ARAP1: variants seen among roughly 807,000 people sequenced by gnomAD.
ARAP1 encodes ArfGAP with RhoGAP domain, ankyrin repeat and PH domain 1.
Under a neutral mutation model 172.2 loss-of-function variants are expected in ARAP1, and 76 were observed. The observed-to-expected ratio is 0.44, with a 90% CI of 0.37 to 0.53. ARAP1 has a LOEUF of 0.53. ARAP1 is among the 20% of genes least tolerant of loss of function. The pLI is 0.00. For missense variants in ARAP1, 1,686 were observed against 1,977.5 expected (o/e 0.85, Z 2.80); for synonymous variants, 804 against 803.3 (o/e 1.00, Z -0.01).
At chr11:72,735,996 G>A (rs192905183) in intron 1 of ARAP1, among the ~76,000 whole-genome samples, 4 of 152,266 alleles carry the variant, frequency 2.6e-5, no homozygotes, top group East Asian at 1.9e-4. Context: ...AAGGCTTCCC[G>A]GAGAAAGCAG....
intron 2 of ARAP1, among the ~76,000 whole-genome samples, chr11:72,731,977 G>A (rs948741049): frequency 6.6e-6 from 1 of 151,600 alleles, no homozygotes; most frequent in Non-Finnish European, 1.5e-5. Context: ...TAAACATCTC[G>A]GTTAAAGAAA....
intron 1 of ARAP1, among the ~76,000 whole-genome samples, chr11:72,748,753 C>G (rs144445987): frequency 1.2e-3 from 178 of 152,336 alleles, no homozygotes; most frequent in Non-Finnish European, 2.2e-3. Flanking sequence ...CATCTGCCTC[C>G]AGGTGGGACT....
chr11:72,692,251 G>C (rs1031824983), intron 30 of ARAP1, among the ~76,000 whole-genome samples: 1 of 152,264 alleles, frequency 6.6e-6, no homozygotes, highest in Middle Eastern at 3.4e-3. Flanking sequence ...CTCTCTCCTA[G>C]GAGTGTGCAG....
At chr11:72,736,894 T>A (rs1858045926) in intron 1 of ARAP1, among the ~76,000 whole-genome samples, 1 of 152,202 alleles carries the variant, frequency 6.6e-6, no homozygotes, top group African/African-American at 2.4e-5. Context: ...CCAGCCAGGC[T>A]GGGCTGGCCC....
At position 72,693,689 on chromosome 11, in the gene ARAP1, T is replaced by G; in HGVS notation, c.3808+3A>C. The G allele has an allele frequency of 6.2e-7, 1 of 1,602,236 alleles. No individual in the cohort carries two copies. The highest frequency in any genetic ancestry group is 8.5e-7 in the Non-Finnish European group (1 of 1,174,166). On this transcript the variant is annotated splice_donor_region_variant and intron_variant, in intron 28 of 34. Coordinates refer to ENST00000393609, the MANE Select transcript of ARAP1 (RefSeq NM_001040118.3). This position sits in a 1 kb window ranked among gnomAD's most constrained non-coding sequence, Gnocchi z 4.6. ...GCCTGGCCACCCTGCAGGCACCACCTACCCAGGTACAGCAGCATGGCCTCC... is the reference window on the plus strand; with the variant it reads ...GCCTGGCCACCCTGCAGGCACCACCGACCCAGGTACAGCAGCATGGCCTCC...
chr11:72,727,083 G>A lies in ARAP1; in HGVS notation c.46C>T (p.Arg16Trp), dbSNP rs547657596. The A allele has an allele frequency of 1.1e-5, 17 of 1,597,186 alleles. No individual in the cohort carries two copies. Among genetic ancestry groups the A allele is most frequent in the Middle Eastern group, 1.7e-4 (1 of 6,018 alleles). ...DAALSVAEWLRALHLEQYTGL... is the reference protein window; with the variant it reads ...DAALSVAEWLWALHLEQYTGL... Reference sequence around the variant, plus strand: ...GTGTACTGCTCCAGGTGCAATGCCCGCAGCCACTCGGCCACCGATAGCGCA... The same window carrying A: ...GTGTACTGCTCCAGGTGCAATGCCCACAGCCACTCGGCCACCGATAGCGCA... The change falls in exon 3 of 35, where the codon CGG (arginine) becomes TGG (tryptophan). Residue 16 changes from arginine (R) to tryptophan (W), a missense_variant. Arg to Trp is a moderately radical substitution (Grantham distance 101, BLOSUM62 -3). Coordinates refer to ENST00000393609, the MANE Select transcript of ARAP1 (RefSeq NM_001040118.3).
In ARAP1 at chr11:72,687,447, A is replaced by G; in HGVS notation, c.4177T>C (p.Phe1393Leu). 1 of 1,614,152 alleles carries G rather than the reference A, an allele frequency of 6.2e-7. No individual in the cohort carries two copies. Among genetic ancestry groups the G allele is most frequent in the Non-Finnish European group, 8.5e-7 (1 of 1,180,020 alleles). Reference sequence around the variant, plus strand: ...CACTCTGCACCTGGTACCTGCACAAACAGAAAGGTAGCGAACCACTCCCGG... The same window carrying G: ...CACTCTGCACCTGGTACCTGCACAAGCAGAAAGGTAGCGAACCACTCCCGG... ...ELREWFATFL[F>L]VQHDGLVWPS... is the part of the protein sequence containing the mutation. The change falls in exon 33 of 35, where the codon TTT becomes CTT. Residue 1393 changes from phenylalanine (F) to leucine (L), a missense_variant. Transcript: ENST00000393609.
intron 5 of ARAP1, 21 bp from the exon 6 acceptor site, chr11:72,712,589 G>A: frequency 6.2e-7 from 1 of 1,610,418 alleles, no homozygotes. Flanking sequence ...GACCCACTCA[G>A]CGTCATCCTT....
chr11:72,711,876 T>C lies in ARAP1; in HGVS notation c.1022+320A>G, dbSNP rs552639765. On this transcript the variant is annotated intron_variant, in intron 7 of 34. Coordinates refer to ENST00000393609, the MANE Select transcript of ARAP1 (RefSeq NM_001040118.3). The stretch of plus-strand genomic sequence containing the variant: ...GCACCTGGCTAGTTTTTAAATTTAT[T>C]TGTAGAGACGAGGTCTCGCCATGTT... 5.3e-4 allele frequency among the ~76,000 whole-genome samples: 80 copies of C among 152,154 alleles called. 1 individual carries two copies. Among genetic ancestry groups the C allele is most frequent in the African/African-American group, 1.8e-3 (74 of 41,500 alleles).
chr11:72,693,614 C>T lies in ARAP1; in HGVS notation c.3808+78G>A, dbSNP rs890425422. 6 of 1,532,256 alleles carry T rather than the reference C, an allele frequency of 3.9e-6. No homozygotes were observed. Among genetic ancestry groups the T allele is most frequent in the Non-Finnish European group, 3.5e-6 (4 of 1,133,200 alleles). The allele number at this position is 1,532,256 out of a possible 1,614,324, so 94.9% of individuals were successfully genotyped here. A position where few individuals can be genotyped will look rare whatever the true frequency, so the allele number is the denominator to read the frequency against. On this transcript the variant is annotated intron_variant, in intron 28 of 34. Transcript: ENST00000393609. This position sits in a 1 kb window ranked among gnomAD's most constrained non-coding sequence, Gnocchi z 4.6. ...GCGCCCTCTGTCTGAGCTGTTCCTA[C>T]CTGGCACCACCAGGTCCCACCCTGG...
In ARAP1 at chr11:72,731,323, T is replaced by C. The variant is rs139457349; in HGVS notation, c.-45+1192A>G. ...GGAGGTGGACCTAGTGGGAGGTGTC[T>C]GGGGTCACGGGGACAGATCCCTCAT... On this transcript the variant is annotated intron_variant, in intron 2 of 34. Transcript: ENST00000393609. Among the ~76,000 whole-genome samples, 241 of 152,340 alleles carry C rather than the reference T, an allele frequency of 1.6e-3. 2 individuals are homozygous for C. The highest frequency in any genetic ancestry group is 5.6e-3 in the African/African-American group (232 of 41,574).
intron 7 of ARAP1, 131 bp downstream of exon 7, chr11:72,712,065 G>C (rs1438609969): frequency 7.9e-7 from 1 of 1,273,482 alleles, no homozygotes; most frequent in African/African-American, 1.5e-5. Context: ...TGCCTGGAGG[G>C]AGACCTGTGC....
intron 15 of ARAP1, 141 bp from the exon 16 acceptor site, chr11:72,701,924 C>T: frequency 1.8e-6 from 2 of 1,103,540 alleles, no homozygotes; most frequent in East Asian, 2.5e-5. Flanking sequence ...CAAGCTCCCC[C>T]TCCTACCTGC....
rs1257356748 is a variant in ARAP1, at chr11:72,751,089, T to C, written c.-128+1239A>G. On this transcript the variant is annotated intron_variant, in intron 1 of 34. Coordinates refer to ENST00000393609, the MANE Select transcript of ARAP1 (RefSeq NM_001040118.3). ...AACCTGGGGGCCATCAGGGCTCTGG[T>C]GGCCTCTGCCCCCTCCACCTCATCA... 3.3e-5 allele frequency among the ~76,000 whole-genome samples: 5 copies of C among 152,208 alleles called. No individual in the cohort carries two copies. The East Asian group carries it at 9.7e-4, about 29-fold the overall frequency.
At chr11:72,749,833 T>C (rs1858482379) in intron 1 of ARAP1, among the ~76,000 whole-genome samples, 1 of 150,090 alleles carries the variant, frequency 6.7e-6, no homozygotes, top group South Asian at 2.1e-4. Context: ...ATTGTGCCAC[T>C]GCACTCCAGC....
In ARAP1 at chr11:72,725,342, C is replaced by A. The variant is rs952199639; in HGVS notation, c.509+1278G>T. Among the ~76,000 whole-genome samples, 7 of 150,890 alleles carry A rather than the reference C, an allele frequency of 4.6e-5. No individual in the cohort carries two copies. Among genetic ancestry groups the A allele is most frequent in the East Asian group, 1.9e-4 (1 of 5,166 alleles). Reference sequence around the variant, plus strand: ...TCTTTTTCTCTCTCTCTCTCCCCCCCACAAGCTGATGGGGTTGAAATAGAA... The same window carrying A: ...TCTTTTTCTCTCTCTCTCTCCCCCCAACAAGCTGATGGGGTTGAAATAGAA... On this transcript the variant is annotated intron_variant, in intron 3 of 34. Coordinates refer to ENST00000393609, the MANE Select transcript of ARAP1 (RefSeq NM_001040118.3). This position sits in a 1 kb window ranked among gnomAD's most constrained non-coding sequence, Gnocchi z 4.3.
At chr11:72,714,064 G>A (rs950571566) in intron 4 of ARAP1, 88 bp downstream of exon 4, 3 of 1,317,134 alleles carry the variant, frequency 2.3e-6, no homozygotes, top group Non-Finnish European at 3.0e-6. Flanking sequence ...ACAGAAAGGA[G>A]TGTGATCCTT....
At chr11:72,732,007 G>GTT (rs1312473892) in intron 2 of ARAP1, among the ~76,000 whole-genome samples, 4 of 152,162 alleles carry the variant, frequency 2.6e-5, no homozygotes, top group East Asian at 1.9e-4. Context: ...ATATACATAT[G>GTT]TTATATATAT....
chr11:72,705,553 A>G (rs1173116634), intron 13 of ARAP1: 1 of 493,640 alleles, frequency 2.0e-6, no homozygotes, highest in African/African-American at 2.0e-5. Context: ...TCTCTGCTGC[A>G]TTTTCTTCCT....
Sources: allele counts gnomAD v4.1 joint callset (sites outside exome capture counted in the v4.1 genomes callset), GRCh38; gene constraint gnomAD v4.1.1; non-coding constraint Gnocchi (gnomAD v3.1); transcripts MANE v1.5; gene names NCBI Gene and HGNC (gene_info 2026-07-23, HGNC 2026-07-21).